ZNF385C: variants seen among roughly 807,000 people sequenced by gnomAD.
The protein encoded by ZNF385C is CTD-2132N18.2.
Under a neutral mutation model 35.4 loss-of-function variants are expected in ZNF385C, and 28 were observed. The observed-to-expected ratio is 0.79, with a 90% CI of 0.59 to 1.08. The LOEUF (loss-of-function observed/expected upper bound fraction) is 1.08, where lower values mean the gene tolerates loss of function less well. ZNF385C is among the 50% of genes least tolerant of loss of function. The pLI, the probability that ZNF385C is intolerant of heterozygous loss-of-function variation, is 0.00. For missense variants in ZNF385C, 605 were observed against 595.6 expected, an observed-to-expected ratio of 1.02 and a Z score of -0.16; for synonymous variants, 248 against 248.2, an observed-to-expected ratio of 1.00 and a Z score of 0.01.
At position 42,028,246 on chromosome 17, in the gene ZNF385C, C is replaced by A; in HGVS notation, c.968G>T (p.Gly323Val). ...TTCCATCATCCACCGGTGCTTGGCT[C>A]CTGGAGAGGGAAGAAGGCAGTCTCT... is the stretch of plus-strand genomic sequence containing the variant. ...SASQLQAHNT[G>V]AKHRWMMEGQ... is the part of the protein sequence containing the mutation. Residue 323 changes from glycine (G) to valine (V), a missense_variant and splice_region_variant, in exon 7 of 9, where the codon GGA becomes GTA. Transcript: ENST00000692273. The A allele has an allele frequency of 6.6e-7, 1 of 1,526,216 alleles. No homozygotes were observed. Among genetic ancestry groups the A allele is most frequent in the Non-Finnish European group, 8.8e-7 (1 of 1,139,782 alleles). The allele number at this position is 1,526,216 out of a possible 1,614,324, so 94.5% of individuals were successfully genotyped here.
At chr17:42,058,780 C>T (rs1156562017) in intron 2 of ZNF385C, among the ~76,000 whole-genome samples, 4 of 152,212 alleles carry the variant, frequency 2.6e-5, no homozygotes, top group African/African-American at 9.6e-5. Context: ...TTCAGCCTCC[C>T]GAGTAGCTGG....
chr17:42,034,627 A>AAG (rs57934959), intron 3 of ZNF385C, among the ~76,000 whole-genome samples: 45 of 150,472 alleles, frequency 3.0e-4, no homozygotes, highest in South Asian at 2.9e-3. Context: ...TAAAAAAAAA[A>AAG]TACAAAATTA....
intron 1 of ZNF385C, among the ~76,000 whole-genome samples, chr17:42,065,945 A>G (rs1312838751): frequency 3.3e-5 from 5 of 152,046 alleles, no homozygotes; most frequent in African/African-American, 9.7e-5. Flanking sequence ...GGGAGTGATC[A>G]ATAACAGTTC....
chr17:42,027,877 G>C, intron 7 of ZNF385C, 149 bp from the exon 8 acceptor site: 1 of 1,187,704 alleles, frequency 8.4e-7, no homozygotes, highest in Non-Finnish European at 1.2e-6. Flanking sequence ...GCCCTGGGAA[G>C]GGGAGGTGAG....
At chr17:42,040,107 C>T in intron 2 of ZNF385C, 1 of 1,231,326 alleles carries the variant, frequency 8.1e-7, no homozygotes, top group Non-Finnish European at 1.0e-6. Flanking sequence ...GCAGCAGCAC[C>T]CGCAGCGCCC....
chr17:42,034,652 C>T (rs1285064336), intron 3 of ZNF385C, among the ~76,000 whole-genome samples: 6 of 150,956 alleles, frequency 4.0e-5, no homozygotes, highest in South Asian at 4.2e-4. Context: ...GGTGTGATGG[C>T]GCATGCCTGT....
intron 1 of ZNF385C, among the ~76,000 whole-genome samples, chr17:42,067,227 C>A (rs1007522902): frequency 6.6e-6 from 1 of 152,170 alleles, no homozygotes. Flanking sequence ...TGAGCCACTG[C>A]GCCCAGCCTT....
At chr17:42,094,140 C>A (rs186639148) in intron 1 of ZNF385C, among the ~76,000 whole-genome samples, 210 of 152,256 alleles carry the variant, frequency 1.4e-3, no homozygotes, top group African/African-American at 4.7e-3. Flanking sequence ...TGCGCCACCG[C>A]GCCCAGCTAA....
chr17:42,052,317 A>T (rs932051545), intron 2 of ZNF385C, among the ~76,000 whole-genome samples: 1 of 152,208 alleles, frequency 6.6e-6, no homozygotes, highest in African/African-American at 2.4e-5. Flanking sequence ...CTATTTTGCC[A>T]TAATGGGAAA....
chr17:42,096,985 A>G (rs1367869559), intron 1 of ZNF385C, among the ~76,000 whole-genome samples: 1 of 150,882 alleles, frequency 6.6e-6, no homozygotes, highest in Non-Finnish European at 1.5e-5. Flanking sequence ...TAAAAAAAAA[A>G]AAAAAAAAAC....
At chr17:42,059,482 C>A (rs967995819) in intron 2 of ZNF385C, among the ~76,000 whole-genome samples, 5 of 152,176 alleles carry the variant, frequency 3.3e-5, no homozygotes, top group African/African-American at 4.8e-5. Flanking sequence ...GGTGCCCCCA[C>A]GCCCCCGTTC....
intron 2 of ZNF385C, among the ~76,000 whole-genome samples, chr17:42,049,825 G>T (rs2053245654): frequency 6.6e-6 from 1 of 152,228 alleles, no homozygotes; most frequent in Admixed American, 6.5e-5. Context: ...TGCAGCTATT[G>T]TAAATGCAGC....
intron 1 of ZNF385C, among the ~76,000 whole-genome samples, chr17:42,080,136 G>T (rs190874218): frequency 6.6e-6 from 1 of 152,188 alleles, no homozygotes; most frequent in East Asian, 1.9e-4. Context: ...TGGGGTGGCC[G>T]TCTCTCCAGA....
At chr17:42,087,347 T>G (rs1262349832) in intron 1 of ZNF385C, among the ~76,000 whole-genome samples, 1 of 152,190 alleles carries the variant, frequency 6.6e-6, no homozygotes, top group Non-Finnish European at 1.5e-5. Context: ...TCAATCATCC[T>G]GAAAAAAGAG....
At chr17:42,043,221 C>G (rs1489014766) in intron 2 of ZNF385C, 4 of 1,232,260 alleles carry the variant, frequency 3.2e-6, no homozygotes, top group South Asian at 4.1e-5. Context: ...TGTTCCGTAC[C>G]AGGGCCTGGC....
chr17:42,043,606 T>C (rs1557742), intron 2 of ZNF385C: 9,702 of 367,158 alleles, frequency 0.026, 820 homozygotes, highest in African/African-American at 0.18. Context: ...GGGTCTGTCA[T>C]GGTAGGGGTG....
In ZNF385C at chr17:42,027,645, G is replaced by A. The variant is rs145255298; in HGVS notation, c.1248C>T (p.His416=). The change falls in exon 8 of 9, where the codon CAC becomes CAT. Residue 416 remains histidine, a synonymous_variant. Transcript: ENST00000692273. ...PSSQHSKLQK[H]AALAVSILKS... ...TGAGGATACTCACAGCCAGCGCTGC[G>A]TGCTTCTGCAGCTTGCTGTGCTGGC... 3.1e-5 allele frequency: 50 copies of A among 1,603,608 alleles called. No homozygotes were observed. Among genetic ancestry groups the A allele is most frequent in the Middle Eastern group, 1.7e-4 (1 of 6,030 alleles).
chr17:42,027,745 C>G lies in ZNF385C; in HGVS notation c.1165-17G>C, dbSNP rs1555654452. The G allele has an allele frequency of 1.2e-6, 2 of 1,607,570 alleles. No individual in the cohort carries two copies. The highest frequency in any genetic ancestry group is 2.2e-5 in the East Asian group (1 of 44,762). On this transcript the variant is annotated splice_polypyrimidine_tract_variant and intron_variant, in intron 7 of 8. Transcript: ENST00000692273. ...GCTCATGTGCTAATGGACAGACAGACAGACTGGGAACAAGATGACAAAGCC... is the reference window on the plus strand; with the variant it reads ...GCTCATGTGCTAATGGACAGACAGAGAGACTGGGAACAAGATGACAAAGCC...
rs1555655013 is a variant in ZNF385C, at chr17:42,031,658, T to C, written c.637A>G (p.Thr213Ala). 4 of 1,550,454 alleles carry C rather than the reference T, an allele frequency of 2.6e-6. No individual in the cohort carries two copies. The highest frequency in any genetic ancestry group is 1.7e-6 in the Non-Finnish European group (2 of 1,146,998). ...TCTCCAGGGGCTCCACTGGCCAGCG[T>C]TGGGATTGGGGACACTACAGCCCCA... The part of the protein sequence containing the change: ...QDGAVVSPIP[T>A]LASGAPGEPQ... The change falls in exon 5 of 9, where the codon ACG becomes GCG. Residue 213 changes from threonine (T) to alanine (A), a missense_variant. Thr to Ala is a moderately conservative substitution (Grantham distance 58). Coordinates refer to ENST00000692273, the MANE Select transcript of ZNF385C (RefSeq NM_001392013.1).
Sources: gnomAD v4.1 joint callset for allele counts (sites outside exome capture counted in the v4.1 genomes callset) on GRCh38, gnomAD v4.1.1 for gene constraint, MANE v1.5 for transcripts, NCBI Gene and HGNC (gene_info 2026-07-23, HGNC 2026-07-21) for gene names.